The following SYNPR variants were observed in gnomAD, a reference collection of about 807,000 sequenced individuals.
SYNPR encodes synaptoporin.
SYNPR carries 23 observed loss-of-function variants against 32.9 expected under a neutral mutation model. The ratio of observed to expected loss-of-function variants is 0.70; its 90% CI spans 0.50 to 0.99. The LOEUF (loss-of-function observed/expected upper bound fraction) is 0.99, where lower values mean the gene tolerates loss of function less well. Among genes scored for constraint, SYNPR ranks in the 50% least tolerant of loss-of-function variants. The pLI, the probability that SYNPR is intolerant of heterozygous loss-of-function variation, is 0.00. For missense variants in SYNPR, 318 were observed against 349.3 expected (o/e 0.91, Z 0.71); for synonymous variants, 146 against 135.9 (o/e 1.07, Z -0.52).
chr3:63,353,412 C>T (rs2087535285), intron 2 of SYNPR, among the ~76,000 whole-genome samples: 1 of 152,192 alleles, frequency 6.6e-6, no homozygotes, highest in South Asian at 2.1e-4. Flanking sequence ...CACAGGCCAC[C>T]TGCTAAATTG....
intron 2 of SYNPR, among the ~76,000 whole-genome samples, chr3:63,403,441 T>TACACACACACACACACACACACAC (rs10559096): frequency 1.4e-5 from 2 of 145,932 alleles, no homozygotes; most frequent in African/African-American, 5.0e-5. Context: ...TGTATACACA[T>TACACACACACACACACACACACAC]ACACACACAC....
rs542550664 is a variant in SYNPR at position 63,256,789 on chromosome 3, C to T, written n.154+4203C>T. 7.2e-4 allele frequency among the ~76,000 whole-genome samples: 109 copies of T among 152,146 alleles called. 2 individuals are homozygous for T. Among genetic ancestry groups the T allele is most frequent in the African/African-American group, 2.6e-3 (107 of 41,490 alleles). On this transcript the variant is annotated intron_variant and non_coding_transcript_variant, in intron 2 of 4. Transcript: ENST00000478456. Reference sequence around the variant, plus strand: ...CTACTCTGAGCTAAAGGAAGAAGTTCGAACCCATGGCAAAGAAGTTAAAAA... The same window carrying T: ...CTACTCTGAGCTAAAGGAAGAAGTTTGAACCCATGGCAAAGAAGTTAAAAA...
intron 2 of SYNPR, among the ~76,000 whole-genome samples, chr3:63,264,230 A>G (rs1341452152): frequency 6.6e-6 from 1 of 152,178 alleles, no homozygotes; most frequent in Non-Finnish European, 1.5e-5. Context: ...CATTGAGAAA[A>G]ATATAGGTAA....
intron 3 of SYNPR, among the ~76,000 whole-genome samples, chr3:63,526,391 C>T (rs952307732): frequency 6.6e-6 from 1 of 152,104 alleles, no homozygotes; most frequent in East Asian, 1.9e-4. Context: ...CTTTGTTTTC[C>T]TCTTACAGCA....
chr3:63,232,828 A>G (rs1172848249), intron 1 of SYNPR, among the ~76,000 whole-genome samples: 1 of 152,248 alleles, frequency 6.6e-6, no homozygotes, highest in Admixed American at 6.5e-5. Flanking sequence ...TCATTTGATT[A>G]AACTAGAAAA....
chr3:63,381,121 T>C (rs918354101), intron 2 of SYNPR, among the ~76,000 whole-genome samples: 3 of 152,188 alleles, frequency 2.0e-5, no homozygotes, highest in Admixed American at 1.3e-4. Flanking sequence ...TTGTACCTGT[T>C]TGCAGATGAT....
At chr3:63,276,576 T>G (rs1342072109), upstream of SYNPR, among the ~76,000 whole-genome samples, 1 of 152,094 alleles carries the variant, frequency 6.6e-6, no homozygotes, top group Non-Finnish European at 1.5e-5. Flanking sequence ...TAAGATCATA[T>G]ACATACATGG....
At chr3:63,382,859 G>C (rs528829331) in intron 2 of SYNPR, among the ~76,000 whole-genome samples, 4 of 152,144 alleles carry the variant, frequency 2.6e-5, no homozygotes, top group African/African-American at 9.7e-5. Context: ...ATTGAAGAGA[G>C]GAGGGGTTTT....
intron 3 of SYNPR, among the ~76,000 whole-genome samples, chr3:63,526,443 G>A (rs1702015489): frequency 6.6e-6 from 1 of 152,090 alleles, no homozygotes; most frequent in African/African-American, 2.4e-5. Flanking sequence ...CTTATTCATT[G>A]CTTATATCCT....
the SYNPR span, among the ~76,000 whole-genome samples, chr3:63,211,181 C>A: frequency 6.6e-6 from 1 of 152,150 alleles, no homozygotes; most frequent in African/African-American, 2.4e-5. Context: ...CAGTTCCCTG[C>A]CTCAGCCTCC....
intron 3 of SYNPR, among the ~76,000 whole-genome samples, chr3:63,511,580 G>A (rs1032911256): frequency 6.6e-6 from 1 of 152,162 alleles, no homozygotes; most frequent in South Asian, 2.1e-4. Flanking sequence ...GGCTTGCCAT[G>A]TGGACCTGGA....
intron 2 of SYNPR, among the ~76,000 whole-genome samples, chr3:63,361,619 AG>A (rs1032929763): frequency 1.1e-4 from 16 of 145,416 alleles, no homozygotes; most frequent in Admixed American, 2.7e-4. Context: ...AAAAAAAAGG[AG>A]GGGGGGATAT....
intron 2 of SYNPR, among the ~76,000 whole-genome samples, chr3:63,285,289 C>T (rs909894183): frequency 3.3e-5 from 5 of 152,152 alleles, no homozygotes; most frequent in Admixed American, 2.0e-4. Flanking sequence ...AATTAAAAAC[C>T]AGTACTTTTC....
At chr3:63,511,268 G>T (rs1474206878) in intron 3 of SYNPR, among the ~76,000 whole-genome samples, 1 of 152,062 alleles carries the variant, frequency 6.6e-6, no homozygotes, top group Non-Finnish European at 1.5e-5. Flanking sequence ...CCTCCAAGTA[G>T]GTAGTTTCTC....
chr3:63,302,073 C>T (rs757495722), intron 2 of SYNPR, among the ~76,000 whole-genome samples: 7 of 152,044 alleles, frequency 4.6e-5, no homozygotes, highest in Non-Finnish European at 7.4e-5. Context: ...ACTTTGAATA[C>T]CATTCCTCAT....
chr3:63,437,878 C>A (rs1029703389), intron 2 of SYNPR, among the ~76,000 whole-genome samples: 3 of 152,136 alleles, frequency 2.0e-5, no homozygotes, highest in African/African-American at 7.2e-5. Context: ...CATTAGGATG[C>A]CTCAAAGAAA....
chr3:63,521,747 C>T (rs1220255772), intron 3 of SYNPR, among the ~76,000 whole-genome samples: 1 of 152,144 alleles, frequency 6.6e-6, no homozygotes. Context: ...TTAGTCAGGG[C>T]CCTTGCAGGA....
chr3:63,267,117 C>T (rs1488573495), intron 2 of SYNPR, among the ~76,000 whole-genome samples: 4 of 152,114 alleles, frequency 2.6e-5, no homozygotes, highest in Admixed American at 6.5e-5. Flanking sequence ...AAAAATGGAG[C>T]TCAATGTGTG....
chr3:63,614,209 T>C (rs939373605), intron 5 of SYNPR, among the ~76,000 whole-genome samples: 1 of 152,368 alleles, frequency 6.6e-6, no homozygotes, highest in East Asian at 1.9e-4. Context: ...TTTAATGTTA[T>C]CACAGCTTTG....
Sources: allele counts gnomAD v4.1 joint callset (sites outside exome capture counted in the v4.1 genomes callset), GRCh38; gene constraint gnomAD v4.1.1; transcripts MANE v1.5; gene names NCBI Gene and HGNC (gene_info 2026-07-23, HGNC 2026-07-21).